The following HSF2BP variants were observed in gnomAD, a reference collection of about 807,000 sequenced individuals.
HSF2BP encodes heat shock factor 2-binding protein.
A neutral mutation model predicts 35.0 loss-of-function variants in HSF2BP; 35 were observed. That is an observed-to-expected ratio of 1.00 (90% CI 0.76 to 1.32). The LOEUF is 1.32. HSF2BP is among the 40% of genes most tolerant of loss of function. The pLI, the probability that HSF2BP is intolerant of heterozygous loss-of-function variation, is 0.00. For synonymous variants in HSF2BP, 114 were observed against 117.4 expected (o/e 0.97, Z 0.18); for missense variants, 326 against 321.7 (o/e 1.01, Z -0.10).
At chr21:43,656,778 G>T in intron 2 of HSF2BP, 41 bp from the exon 3 acceptor site, 1 of 1,561,928 alleles carries the variant, frequency 6.4e-7, no homozygotes, top group Non-Finnish European at 8.7e-7. Context: ...CTCTTCACAT[G>T]AGAAAAAAAA....
At position 43,592,219 on chromosome 21, in the gene HSF2BP, C is replaced by A. The variant is rs8128967; in HGVS notation, c.796+6G>T. On this transcript the variant is annotated splice_donor_region_variant and intron_variant, in intron 8 of 8. Coordinates refer to ENST00000291560, the MANE Select transcript of HSF2BP (RefSeq NM_007031.2). ...AAGCAGCTGGACAGATAACCACCCC[C>A]CTTACCACTCAAAAGCCACCACAGC... The A allele has an allele frequency of 8.1e-6, 13 of 1,597,680 alleles. No homozygotes were observed. The highest frequency in any genetic ancestry group is 1.7e-5 in the Admixed American group (1 of 59,950).
At position 43,613,893 on chromosome 21, in the gene HSF2BP, AGCACCCG is replaced by A; in HGVS notation, c.622_628del (p.Arg208SerfsTer12). 1 of 1,612,386 alleles carries A rather than the reference AGCACCCG, an allele frequency of 6.2e-7. No individual in the cohort carries two copies. The highest frequency in any genetic ancestry group is 8.5e-7 in the Non-Finnish European group (1 of 1,179,670). ...CAGAAGCTGCAATATGGTGTCCAAG[AGCACCCG>A]GCTTGAATTAACCAAGAATTCACGA... is the stretch of plus-strand genomic sequence containing the variant. On this transcript the variant is annotated frameshift_variant, in exon 7 of 9. Transcript: ENST00000291560. LOFTEE classifies it high-confidence loss of function.
At chr21:43,584,995 A>ATTATTTATTTATTTATTTATTTATTTAT (rs557734689) in intron 8 of HSF2BP, among the ~76,000 whole-genome samples, 15 of 151,592 alleles carry the variant, frequency 9.9e-5, no homozygotes, top group African/African-American at 3.6e-4. Context: ...ATTTTATTTA[A>ATTATTTATTTATTTATTTATTTATTTAT]TTATTTATTT....
At chr21:43,598,224 G>A (rs113870841) in intron 7 of HSF2BP, among the ~76,000 whole-genome samples, 3,755 of 151,030 alleles carry the variant, frequency 0.025, 49 homozygotes, top group Middle Eastern at 0.065. Context: ...ACAGAGTCTC[G>A]CTCTGTCGCT....
Position 43,601,580 on chromosome 21 carries a change from C to A in HSF2BP, c.693-9252G>T, listed in dbSNP as rs115149726. On this transcript the variant is annotated intron_variant, in intron 7 of 8. Transcript: ENST00000291560. The stretch of plus-strand genomic sequence containing the variant: ...AATGACCAAACTAGACAGGGTAAAA[C>A]CCAAAAATGCCTTTCAGAAGAGCCG... Among the ~76,000 whole-genome samples the A allele has an allele frequency of 5.0e-3, 758 of 152,178 alleles. 10 individuals carry two copies. The highest frequency in any genetic ancestry group is 0.017 in the African/African-American group (724 of 41,526).
chr21:43,587,511 C>T (rs1172983192), intron 8 of HSF2BP, among the ~76,000 whole-genome samples: 2 of 151,800 alleles, frequency 1.3e-5, no homozygotes, highest in South Asian at 4.2e-4. Flanking sequence ...ATTAAAAATA[C>T]AAAATTAGCC....
intron 4 of HSF2BP, among the ~76,000 whole-genome samples, chr21:43,633,948 T>C (rs1336750847): frequency 6.6e-6 from 1 of 152,200 alleles, no homozygotes; most frequent in Non-Finnish European, 1.5e-5. Context: ...TATAAACGTA[T>C]CCTTAACTCC....
At chr21:43,616,828 T>A (rs915947666) in intron 6 of HSF2BP, among the ~76,000 whole-genome samples, 5 of 150,346 alleles carry the variant, frequency 3.3e-5, no homozygotes, top group African/African-American at 1.2e-4. Flanking sequence ...CTACTCCAGA[T>A]GCTGAGGCAG....
intron 5 of HSF2BP, among the ~76,000 whole-genome samples, chr21:43,632,784 TAGAG>T (rs1443103080): frequency 6.6e-6 from 1 of 152,204 alleles, no homozygotes; most frequent in Non-Finnish European, 1.5e-5. Flanking sequence ...CAGCCAACAG[TAGAG>T]AGAGTCAAAA....
chr21:43,643,095 G>C (rs999005238), intron 4 of HSF2BP, among the ~76,000 whole-genome samples: 3 of 152,064 alleles, frequency 2.0e-5, no homozygotes, highest in African/African-American at 7.2e-5. Context: ...TAGTTCTATG[G>C]AAAAGGAAGT....
intron 8 of HSF2BP, among the ~76,000 whole-genome samples, chr21:43,585,917 T>C (rs1051007174): frequency 6.6e-6 from 1 of 152,212 alleles, no homozygotes; most frequent in Admixed American, 6.5e-5. Flanking sequence ...TAGATGTCCA[T>C]GTGGAGATAT....
At chr21:43,654,794 T>C (rs1351506171) in intron 3 of HSF2BP, among the ~76,000 whole-genome samples, 1 of 152,196 alleles carries the variant, frequency 6.6e-6, no homozygotes, top group Non-Finnish European at 1.5e-5. Flanking sequence ...TAACTGAAGC[T>C]GTGAGTGTGC....
chr21:43,638,409 G>A (rs1601710016), intron 4 of HSF2BP, among the ~76,000 whole-genome samples: 1 of 152,112 alleles, frequency 6.6e-6, no homozygotes, highest in Non-Finnish European at 1.5e-5. Flanking sequence ...AGTGAGCTGC[G>A]ATCACACCAC....
intron 6 of HSF2BP, among the ~76,000 whole-genome samples, chr21:43,621,153 G>A (rs1366540361): frequency 6.6e-6 from 1 of 152,194 alleles, no homozygotes; most frequent in Non-Finnish European, 1.5e-5. Flanking sequence ...AATAAAGAGA[G>A]AAACTTAAAA....
In HSF2BP at chr21:43,637,264, CA is replaced by C. The variant is rs749410835; in HGVS notation, c.292-3844del. ...AGAATAAATGATGTATGCTATAACA[CA>C]AATAAACCTTCAAAACATTATGCCA... is the stretch of plus-strand genomic sequence containing the variant. On this transcript the variant is annotated intron_variant, in intron 4 of 8. Coordinates refer to ENST00000291560, the MANE Select transcript of HSF2BP (RefSeq NM_007031.2). Among the ~76,000 whole-genome samples, 20 of 152,222 alleles carry C rather than the reference CA, an allele frequency of 1.3e-4. No individual in the cohort carries two copies. In the East Asian group the frequency reaches 3.7e-3, roughly 28 times the overall value.
intron 6 of HSF2BP, among the ~76,000 whole-genome samples, chr21:43,625,227 C>G (rs986781393): frequency 2.6e-5 from 4 of 152,064 alleles, no homozygotes; most frequent in Non-Finnish European, 5.9e-5. Flanking sequence ...CATTAGAGAG[C>G]TAAGGCTGGA....
At chr21:43,581,907 C>T (rs12626629) in intron 8 of HSF2BP, among the ~76,000 whole-genome samples, 1 of 57,118 alleles carries the variant, frequency 1.8e-5, no homozygotes, top group East Asian at 5.5e-4. Context: ...GGGAATGAGG[C>T]CCTGCTGTGG....
At chr21:43,631,740 T>C (rs898372519) in intron 5 of HSF2BP, among the ~76,000 whole-genome samples, 7 of 152,266 alleles carry the variant, frequency 4.6e-5, no homozygotes, top group African/African-American at 1.7e-4. Flanking sequence ...CTGTGTCAAC[T>C]GACCTACTCA....
chr21:43,580,804 C>T (rs2081717068), intron 8 of HSF2BP, among the ~76,000 whole-genome samples: 2 of 152,210 alleles, frequency 1.3e-5, no homozygotes, highest in Non-Finnish European at 2.9e-5. Flanking sequence ...ATCCACAGCT[C>T]ACATAATAAA....
Sources: gnomAD v4.1 joint callset for allele counts (sites outside exome capture counted in the v4.1 genomes callset) on GRCh38, gnomAD v4.1.1 for gene constraint, MANE v1.5 for transcripts, NCBI Gene and HGNC (gene_info 2026-07-23, HGNC 2026-07-21) for gene names.